The following SPTAN1 variants were observed in gnomAD, a reference collection of about 807,000 sequenced individuals.
The protein encoded by SPTAN1 is spectrin alpha chain, non-erythrocytic 1.
Under a neutral mutation model 331.3 loss-of-function variants are expected in SPTAN1, and 61 were observed. The observed-to-expected ratio is 0.18, with a 90% CI of 0.15 to 0.23. The LOEUF is 0.23. SPTAN1 is among the 10% of genes least tolerant of loss of function. The pLI is 1.00. For synonymous variants in SPTAN1, 1,153 were observed against 1,173.9 expected (o/e 0.98, Z 0.36); for missense variants, 2,043 against 3,147.9 (o/e 0.65, Z 8.40).
rs184824782 is a variant in SPTAN1, at chr9:128,572,140, G to A, written c.364-2535G>A. 4.5e-4 allele frequency among the ~76,000 whole-genome samples: 68 copies of A among 152,270 alleles called. No homozygotes were observed. In the East Asian group the frequency reaches 0.012, roughly 28 times the overall value. On this transcript the variant is annotated intron_variant, in intron 3 of 56. Coordinates refer to ENST00000372739, the MANE Select transcript of SPTAN1 (RefSeq NM_001130438.3). ...CTCCCAAAGTGCTGGGATTACAGGC[G>A]TGAGCCACTGCACCCAGCCTGTGTG...
In SPTAN1 at chr9:128,597,074, C is replaced by T. The variant is rs1009185136; in HGVS notation, c.3415-1326C>T. Among the ~76,000 whole-genome samples the T allele has an allele frequency of 2.3e-4, 35 of 152,138 alleles. 1 individual carries two copies. Among genetic ancestry groups the T allele is most frequent in the Admixed American group, 2.3e-3 (35 of 15,276 alleles). ...ACTCGGTACACTGAGGCATGAAGAT[C>T]GCTTGAACCCGGGAGGCGGAGGTTG... is the stretch of plus-strand genomic sequence containing the variant. On this transcript the variant is annotated intron_variant, in intron 24 of 56. Transcript: ENST00000372739.
intron 1 of SPTAN1, among the ~76,000 whole-genome samples, chr9:128,564,054 A>G (rs764933292): frequency 7.9e-5 from 12 of 152,066 alleles, no homozygotes; most frequent in Non-Finnish European, 1.5e-4. Context: ...TGGGAGGATC[A>G]TTTGAGCCCA....
Position 128,626,589 on chromosome 9 carries a change from C to T in SPTAN1, c.6478C>T (p.Arg2160Cys), listed in dbSNP as rs780696613. 24 of 1,613,980 alleles carry T rather than the reference C, an allele frequency of 1.5e-5. No individual in the cohort carries two copies. The highest frequency in any genetic ancestry group is 1.2e-4 in the South Asian group (11 of 91,088). Residue 2160 changes from arginine to cysteine, a missense_variant, in exon 49 of 57, where the codon CGC becomes TGC. Around this residue, in one of 12 missense-constraint regions of SPTAN1, gnomAD observed 256 missense variants for 376.4 expected, o/e 0.68. Coordinates refer to ENST00000372739, the MANE Select transcript of SPTAN1 (RefSeq NM_001130438.3). ...ADFNQLAELD[R>C]QIKSFRVASN... ...CTTCAACCAGCTGGCCGAGCTGGAC[C>T]GCCAGATCAAGAGCTTCCGCGTAGC...
chr9:128,610,743 A>G (rs1377262518), intron 37 of SPTAN1, among the ~76,000 whole-genome samples: 1 of 152,148 alleles, frequency 6.6e-6, no homozygotes, highest in Non-Finnish European at 1.5e-5. Flanking sequence ...TCAGGAGCCC[A>G]TCCTTCTCCT....
In SPTAN1 at chr9:128,607,907, T is replaced by G. The variant is rs767771821; in HGVS notation, c.4202T>G (p.Phe1401Cys). 1 of 1,613,978 alleles carries G rather than the reference T, an allele frequency of 6.2e-7. No individual in the cohort carries two copies. The highest frequency in any genetic ancestry group is 2.2e-5 in the East Asian group (1 of 44,870). ...GGCACTTTCCAGGCATTTGAGCAGTTTGGACAGCAGCTGTTGGCTCACGGA... is the reference window on the plus strand; with the variant it reads ...GGCACTTTCCAGGCATTTGAGCAGTGTGGACAGCAGCTGTTGGCTCACGGA... ...RAGTFQAFEQ[F>C]GQQLLAHGHY... Residue 1401 changes from phenylalanine to cysteine, a missense_variant, in exon 33 of 57, where the codon TTT (phenylalanine) becomes TGT (cysteine). Transcript: ENST00000372739.
Position 128,617,870 on chromosome 9 carries a change from C to G in SPTAN1, c.5478+110C>G, listed in dbSNP as rs3750332. ...TGAGGTCCCTAAAGTGTTCATGACCCCTCAGTCCAAACCTGGAGAAGTCCC... is the reference window on the plus strand; with the variant it reads ...TGAGGTCCCTAAAGTGTTCATGACCGCTCAGTCCAAACCTGGAGAAGTCCC... On this transcript the variant is annotated intron_variant, in intron 42 of 56. Coordinates refer to ENST00000372739, the MANE Select transcript of SPTAN1 (RefSeq NM_001130438.3). 0.89 allele frequency: 1,440,521 copies of G among 1,611,656 alleles called. 657,120 individuals are homozygous for G. The highest frequency in any genetic ancestry group is 0.94 in the Non-Finnish European group (1,113,298 of 1,179,274).
At chr9:128,578,408 A>G (rs1390707073) in intron 9 of SPTAN1, among the ~76,000 whole-genome samples, 163 bp downstream of exon 9, 1 of 152,186 alleles carries the variant, frequency 6.6e-6, no homozygotes, top group Admixed American at 6.5e-5. Flanking sequence ...GACCTGGTCT[A>G]CCTGCTTCTG....
chr9:128,624,588 G>T, intron 46 of SPTAN1, 101 bp downstream of exon 46: 2 of 1,445,154 alleles, frequency 1.4e-6, no homozygotes, highest in Non-Finnish European at 1.9e-6. Context: ...CTGATCAATT[G>T]TGGGCATGGC....
intron 10 of SPTAN1, 69 bp downstream of exon 10, chr9:128,579,807 T>C (rs1589197838): frequency 3.1e-5 from 39 of 1,260,298 alleles, no homozygotes; most frequent in Non-Finnish European, 4.1e-5. Flanking sequence ...AAAGCTATTA[T>C]TCATCCTTAA....
chr9:128,599,599 G>T lies in SPTAN1; in HGVS notation c.3544-481G>T, dbSNP rs185133273. 1,398 of 175,878 alleles carry T rather than the reference G, an allele frequency of 7.9e-3. 10 individuals carry two copies. The highest frequency in any genetic ancestry group is 9.5e-3 in the Non-Finnish European group (826 of 86,964). 10.9% of individuals were successfully genotyped at this position (175,878 alleles called of 1,614,324 possible). A position where few individuals can be genotyped will look rare whatever the true frequency, so the allele number is the denominator to read the frequency against. On this transcript the variant is annotated intron_variant, in intron 26 of 56. Transcript: ENST00000372739. ...ACAGCTGCAGTTATAGCCTACTGCA[G>T]CCTCGAACTCTTGGCCTCAAGCAAT...
intron 21 of SPTAN1, 69 bp from the exon 22 acceptor site, chr9:128,591,408 A>G (rs1456765017): frequency 1.7e-5 from 27 of 1,605,742 alleles, no homozygotes; most frequent in Non-Finnish European, 2.1e-5. Context: ...GTGTGTATAC[A>G]CGTGACCTCC....
chr9:128,625,740 C>T lies in SPTAN1; in HGVS notation c.6070-29C>T, dbSNP rs1858636046. On this transcript the variant is annotated intron_variant, in intron 47 of 56. Coordinates refer to ENST00000372739, the MANE Select transcript of SPTAN1 (RefSeq NM_001130438.3). The surrounding 1 kb of genome is among the most constrained non-coding windows in gnomAD (Gnocchi z 4.1). ...GCAAGTTCCAGTCCTGTGGAGTCACCACAAATTGGCTTGTCACTCCTTGTT... is the reference window on the plus strand; with the variant it reads ...GCAAGTTCCAGTCCTGTGGAGTCACTACAAATTGGCTTGTCACTCCTTGTT... 1 of 1,610,454 alleles carries T rather than the reference C, an allele frequency of 6.2e-7. No homozygotes were observed. The highest frequency in any genetic ancestry group is 2.2e-5 in the East Asian group (1 of 44,864).
At chr9:128,581,320 T>C (rs1851910531) in intron 11 of SPTAN1, among the ~76,000 whole-genome samples, 1 of 152,020 alleles carries the variant, frequency 6.6e-6, no homozygotes, top group African/African-American at 2.4e-5. Flanking sequence ...TCTTAGAACT[T>C]AGCATTGCTG....
chr9:128,591,721 A>G, intron 22 of SPTAN1, 96 bp downstream of exon 22: 1 of 1,512,782 alleles, frequency 6.6e-7, no homozygotes, highest in Non-Finnish European at 9.0e-7. Flanking sequence ...AGGCTCCTGG[A>G]GCCCACCTGC....
intron 24 of SPTAN1, chr9:128,596,250 GT>G (rs1244506952): frequency 1.3e-5 from 2 of 151,778 alleles, no homozygotes; most frequent in Non-Finnish European, 2.9e-5. Context: ...TTGTTTTTGG[GT>G]TTTTTTGTTT....
intron 26 of SPTAN1, 43 bp from the exon 27 acceptor site, chr9:128,600,037 T>C (rs1854889707): frequency 4.3e-6 from 7 of 1,611,800 alleles, no homozygotes; most frequent in South Asian, 1.1e-5. Flanking sequence ...CTTTGTTTCA[T>C]GGTCAATTGC....
chr9:128,564,869 A>G (rs1481303482), intron 1 of SPTAN1, among the ~76,000 whole-genome samples: 1 of 152,358 alleles, frequency 6.6e-6, no homozygotes, highest in East Asian at 1.9e-4. Context: ...GGAGTTTTAA[A>G]GGGAATTACA....
At chr9:128,591,764 C>T in intron 22 of SPTAN1, 139 bp downstream of exon 22, 1 of 1,012,544 alleles carries the variant, frequency 9.9e-7, no homozygotes, top group Non-Finnish European at 1.5e-6. Flanking sequence ...CACTTTGAGC[C>T]CACAGACCTC....
intron 4 of SPTAN1, 149 bp downstream of exon 4, chr9:128,574,964 C>T: frequency 8.3e-7 from 1 of 1,202,870 alleles, no homozygotes; most frequent in Non-Finnish European, 1.2e-6. Context: ...TCCAGCTGCT[C>T]TCTAGGTGTA....
Sources: gnomAD v4.1 joint callset for allele counts (sites outside exome capture counted in the v4.1 genomes callset) on GRCh38, gnomAD v4.1.1 for gene constraint, gnomAD v4.1.1 regional missense constraint, Gnocchi (gnomAD v3.1) non-coding constraint, MANE v1.5 for transcripts, NCBI Gene and HGNC (gene_info 2026-07-23, HGNC 2026-07-21) for gene names.